HEXB: variants seen among roughly 807,000 people sequenced by gnomAD.
HEXB encodes the protein beta-hexosaminidase subunit beta.
In HEXB, 51 loss-of-function variants were observed where a neutral mutation model predicts 71.2. The observed-to-expected ratio is 0.72, with a 90% CI of 0.57 to 0.90. The LOEUF (loss-of-function observed/expected upper bound fraction) is 0.90. Ranked by LOEUF, HEXB falls within the 40% of genes least tolerant of loss-of-function variation. The pLI is 0.00. For synonymous variants in HEXB, 266 were observed against 249.3 expected (o/e 1.07, Z -0.63); for missense variants, 617 against 677.0 (o/e 0.91, Z 0.98).
intron 1 of HEXB, among the ~76,000 whole-genome samples, chr5:74,648,179 AT>A (rs1748035651): frequency 6.6e-6 from 1 of 152,252 alleles, no homozygotes; most frequent in African/African-American, 2.4e-5. Context: ...ATTATAGAGC[AT>A]AAAAGCACTC....
intron 9 of HEXB, among the ~76,000 whole-genome samples, chr5:74,717,355 T>G (rs1749695903): frequency 6.6e-6 from 1 of 152,132 alleles, no homozygotes; most frequent in African/African-American, 2.4e-5. Context: ...GCCACAGGTG[T>G]CTGTCCATAT....
intron 1 of HEXB, among the ~76,000 whole-genome samples, chr5:74,648,656 C>T (rs1410216355): frequency 2.0e-5 from 3 of 152,208 alleles, no homozygotes; most frequent in Admixed American, 2.0e-4. Context: ...CACCTAGGTA[C>T]ATTCTAATTT....
At chr5:74,649,690 A>G (rs1483719046) in intron 1 of HEXB, among the ~76,000 whole-genome samples, 3 of 152,222 alleles carry the variant, frequency 2.0e-5, no homozygotes, top group Non-Finnish European at 4.4e-5. Flanking sequence ...ACAAATGAGA[A>G]GCTGGAATCA....
Position 74,693,581 on chromosome 5 carries a change from T to C in HEXB, c.446-58T>C, listed in dbSNP as rs914329631. The C allele has an allele frequency of 1.5e-5, 17 of 1,154,994 alleles. No homozygotes were observed. In the African/African-American group the frequency reaches 2.1e-4, roughly 14 times the overall value. 71.5% of individuals were successfully genotyped at this position (1,154,994 alleles called of 1,614,324 possible). A position where few individuals can be genotyped will look rare whatever the true frequency, so the allele number is the denominator to read the frequency against. On this transcript the variant is annotated intron_variant, in intron 2 of 13. Transcript: ENST00000261416. Reference sequence around the variant, plus strand: ...ATCAATGACATGTTTAGGAAACTTATTGTGTGTCATTGAGGGATTAACAAA... The same window carrying C: ...ATCAATGACATGTTTAGGAAACTTACTGTGTGTCATTGAGGGATTAACAAA...
chr5:74,682,835 C>T (rs1473294930), upstream of HEXB, among the ~76,000 whole-genome samples: 10 of 152,262 alleles, frequency 6.6e-5, no homozygotes, highest in East Asian at 1.5e-3. Flanking sequence ...TACCTTTCCT[C>T]ATCCATCATG....
At chr5:74,664,679 A>G (rs1032212696) in intron 1 of HEXB, among the ~76,000 whole-genome samples, 2 of 152,218 alleles carry the variant, frequency 1.3e-5, no homozygotes, top group Admixed American at 6.5e-5. Flanking sequence ...GGAAAGGGTT[A>G]CAGAGAGAAG....
chr5:74,677,933 A>T (rs1748666377), intron 1 of HEXB, among the ~76,000 whole-genome samples: 1 of 152,154 alleles, frequency 6.6e-6, no homozygotes, highest in Non-Finnish European at 1.5e-5. Flanking sequence ...AATAGGAAGA[A>T]ATTTTAGAAA....
chr5:74,675,404 C>G (rs1748613219), intron 1 of HEXB, among the ~76,000 whole-genome samples: 1 of 152,076 alleles, frequency 6.6e-6, no homozygotes, highest in African/African-American at 2.4e-5. Flanking sequence ...GGTCTCAGAG[C>G]CTGACTAAAG....
intron 5 of HEXB, among the ~76,000 whole-genome samples, chr5:74,703,111 C>G (rs1184876461): frequency 6.6e-6 from 1 of 152,188 alleles, no homozygotes; most frequent in Non-Finnish European, 1.5e-5. Flanking sequence ...CGCCACCACG[C>G]CCAGCTAATT....
At chr5:74,717,826 T>G (rs1749714521) in intron 9 of HEXB, among the ~76,000 whole-genome samples, 1 of 152,166 alleles carries the variant, frequency 6.6e-6, no homozygotes, top group Non-Finnish European at 1.5e-5. Context: ...GTGATGCATT[T>G]AAGTGTTATT....
intron 1 of HEXB, among the ~76,000 whole-genome samples, chr5:74,654,020 G>A (rs1748171394): frequency 6.6e-6 from 1 of 152,060 alleles, no homozygotes; most frequent in African/African-American, 2.4e-5. Flanking sequence ...GCCAGCTTGA[G>A]GGGCTCCAGG....
chr5:74,720,397 T>G (rs2112185021), intron 11 of HEXB, 31 bp from the exon 12 acceptor site: 1 of 1,454,994 alleles, frequency 6.9e-7, no homozygotes, highest in African/African-American at 1.4e-5. Context: ...AGCTTTGAAC[T>G]TCTGAACTTA....
intron 1 of HEXB, among the ~76,000 whole-genome samples, chr5:74,658,552 A>G (rs113854267): frequency 7.9e-5 from 12 of 151,982 alleles, no homozygotes; most frequent in African/African-American, 2.9e-4. Context: ...TAGGTGGGCA[A>G]TCAATCAATC....
chr5:74,651,175 A>C (rs1748100908), intron 1 of HEXB, among the ~76,000 whole-genome samples: 1 of 152,162 alleles, frequency 6.6e-6, no homozygotes, highest in Admixed American at 6.5e-5. Context: ...GCCCCATTTT[A>C]CTGATGAGAA....
intron 1 of HEXB, among the ~76,000 whole-genome samples, chr5:74,658,344 G>A (rs76767097): frequency 0.02 from 2,998 of 152,256 alleles, 113 homozygotes; most frequent in African/African-American, 0.069. Flanking sequence ...AAAAAGCAAA[G>A]CATTCTGCAT....
chr5:74,661,141 T>C (rs1172630601), intron 1 of HEXB, among the ~76,000 whole-genome samples: 3 of 152,232 alleles, frequency 2.0e-5, no homozygotes, highest in Non-Finnish European at 2.9e-5. Flanking sequence ...GTTGCCTCTC[T>C]GGCTTTTGGG....
chr5:74,684,540 C>CCTCAAGCTTGGCTT (rs1748803615), upstream of HEXB, among the ~76,000 whole-genome samples: 1 of 152,224 alleles, frequency 6.6e-6, no homozygotes, highest in Non-Finnish European at 1.5e-5. Context: ...GAAAGGTGCT[C>CCTCAAGCTTGGCTT]CTCAAGCTTG....
At position 74,720,486 on chromosome 5, in the gene HEXB, T is replaced by C. The variant is rs1279547776; in HGVS notation, c.1476T>C (p.Tyr492=). 4 of 1,613,600 alleles carry C rather than the reference T, an allele frequency of 2.5e-6. No individual in the cohort carries two copies. The highest frequency in any genetic ancestry group is 2.7e-5 in the African/African-American group (2 of 74,946). The stretch of plus-strand genomic sequence containing the variant: ...GAGAAGCTTGTCTATGGGGAGAATA[T>C]GTGGATGCAACTAACCTCACTCCAA... ...IGGEACLWGE[Y]VDATNLTPRL... The change falls in exon 12 of 14, where the codon TAT becomes TAC. Residue 492 remains tyrosine (Y), a synonymous_variant. Transcript: ENST00000261416.
At chr5:74,719,606 A>G (rs1049486912) in intron 11 of HEXB, among the ~76,000 whole-genome samples, 1 of 152,238 alleles carries the variant, frequency 6.6e-6, no homozygotes, top group African/African-American at 2.4e-5. Context: ...TTTATATACA[A>G]TGCATTTTAT....
Sources: allele counts gnomAD v4.1 joint callset (sites outside exome capture counted in the v4.1 genomes callset), GRCh38; gene constraint gnomAD v4.1.1; transcripts MANE v1.5; gene names NCBI Gene and HGNC (gene_info 2026-07-23, HGNC 2026-07-21).